The following CTDP1 variants were observed in gnomAD, a reference collection of about 807,000 sequenced individuals.
The protein encoded by CTDP1 is CTD phosphatase 1.
In CTDP1, 47 loss-of-function variants were observed where a neutral mutation model predicts 91.8. The ratio of observed to expected loss-of-function variants is 0.51; its 90% CI spans 0.41 to 0.65. CTDP1 has a LOEUF of 0.65. Among genes scored for constraint, CTDP1 ranks in the 30% least tolerant of loss-of-function variants. CTDP1 has a pLI of 0.00. For synonymous variants in CTDP1, 656 were observed against 598.5 expected (o/e 1.10, Z -1.40); for missense variants, 1,272 against 1,373.7 (o/e 0.93, Z 1.17).
chr18:79,688,247 C>G (rs1172280164), intron 1 of CTDP1, among the ~76,000 whole-genome samples: 1 of 152,196 alleles, frequency 6.6e-6, no homozygotes, highest in Non-Finnish European at 1.5e-5. Flanking sequence ...AAAACAACAA[C>G]ACTTGTTCCT....
At position 79,688,238 on chromosome 18, in the gene CTDP1, AAAC is replaced by A. The variant is rs547222486; in HGVS notation, c.315-6979_315-6977del. Among the ~76,000 whole-genome samples, 299 of 152,364 alleles carry A rather than the reference AAAC, an allele frequency of 2.0e-3. 2 individuals are homozygous for A. Among genetic ancestry groups the A allele is most frequent in the African/African-American group, 6.0e-3 (249 of 41,588 alleles). ...CACCCCTGTGGCTGCACAGGAGACAAAACAACAACACTTGTTCCTTTGAAGCTG... is the reference window on the plus strand; with the variant it reads ...CACCCCTGTGGCTGCACAGGAGACAAAACAACACTTGTTCCTTTGAAGCTG... On this transcript the variant is annotated intron_variant, in intron 1 of 12. Coordinates refer to ENST00000613122, the MANE Select transcript of CTDP1 (RefSeq NM_004715.5).
At chr18:79,704,590 C>T (rs1012543091) in intron 4 of CTDP1, among the ~76,000 whole-genome samples, 177 bp from the exon 5 acceptor site, 8 of 151,292 alleles carry the variant, frequency 5.3e-5, no homozygotes, top group Non-Finnish European at 7.4e-5. Flanking sequence ...GTCTTCAGGA[C>T]GCCTGTCTCA....
intron 12 of CTDP1, among the ~76,000 whole-genome samples, chr18:79,750,561 T>A (rs1345504529): frequency 2.0e-5 from 3 of 150,870 alleles, no homozygotes; most frequent in African/African-American, 7.3e-5. Flanking sequence ...TGGCGTGATC[T>A]CAGCTCACTG....
intron 8 of CTDP1, 100 bp from the exon 9 acceptor site, chr18:79,717,435 G>T (rs949668335): frequency 5.9e-6 from 9 of 1,537,794 alleles, no homozygotes; most frequent in East Asian, 2.3e-5. Context: ...GAGCCCTGGT[G>T]GGGTACAGCC....
chr18:79,742,613 C>G (rs1430770598), intron 12 of CTDP1, among the ~76,000 whole-genome samples: 2 of 152,234 alleles, frequency 1.3e-5, no homozygotes, highest in African/African-American at 4.8e-5. Flanking sequence ...CGTGTTGCTT[C>G]TCCTTTATTC....
In CTDP1 at chr18:79,715,298, A is replaced by G. The variant is rs754882827; in HGVS notation, c.1838A>G (p.Asn613Ser). ...DYYAKYDRYL[N>S]KEIEEAPDIR... ...TATGCCAAGTATGACCGCTACCTCA[A>G]CAAGGAGATCGAGGAGGCGCCGGAC... The change falls in exon 8 of 13, where the codon AAC becomes AGC. Residue 613 changes from asparagine (N) to serine (S), a missense_variant. By Grantham distance (46) the Asn-to-Ser change is conservative. Coordinates refer to ENST00000613122, the MANE Select transcript of CTDP1 (RefSeq NM_004715.5). 3 of 1,610,416 alleles carry G rather than the reference A, an allele frequency of 1.9e-6. No individual in the cohort carries two copies. Among genetic ancestry groups the G allele is most frequent in the South Asian group, 2.2e-5 (2 of 90,340 alleles).
chr18:79,751,960 G>A (rs913943661), intron 12 of CTDP1, among the ~76,000 whole-genome samples: 1 of 152,228 alleles, frequency 6.6e-6, no homozygotes, highest in Non-Finnish European at 1.5e-5. Flanking sequence ...CCTAATCAGG[G>A]TAAAATCAAA....
chr18:79,681,968 C>T (rs942971171), intron 1 of CTDP1, among the ~76,000 whole-genome samples: 5 of 152,102 alleles, frequency 3.3e-5, no homozygotes, highest in Non-Finnish European at 7.4e-5. Flanking sequence ...TCAGCATTTC[C>T]GGAGGTGTTC....
intron 4 of CTDP1, chr18:79,703,167 A>C (rs2085895314): frequency 6.6e-6 from 1 of 152,248 alleles, no homozygotes; most frequent in African/African-American, 2.4e-5. Flanking sequence ...TTGACAGAGT[A>C]GCTTCTTCAT....
chr18:79,756,199 CT>C (rs941594229), downstream of CTDP1: 1 of 152,434 alleles, frequency 6.6e-6, no homozygotes, highest in African/African-American at 2.4e-5. Context: ...TAAAATGGGA[CT>C]TTTCTCCCGC....
Position 79,680,238 on chromosome 18 carries a change from G to A in CTDP1, c.291G>A (p.Gln97=). ...RAGVVRELCA[Q]PGQVVAPGAV... ...GCGTGGTGCGGGAGCTGTGCGCGCA[G>A]CCGGGCCAGGTGGTCGCCCCAGGGT... Residue 97 remains glutamine (Q), a synonymous_variant, in exon 1 of 13, where the codon CAG becomes CAA. Transcript: ENST00000613122. The A allele has an allele frequency of 7.6e-7, 1 of 1,312,838 alleles. No homozygotes were observed. The allele number at this position is 1,312,838 out of a possible 1,614,324, so 81.3% of individuals were successfully genotyped here.
At chr18:79,739,785 G>A (rs1416730971) in intron 12 of CTDP1, among the ~76,000 whole-genome samples, 1 of 150,952 alleles carries the variant, frequency 6.6e-6, no homozygotes, top group Non-Finnish European at 1.5e-5. Context: ...CAGGACGGGT[G>A]GGACTCTCAT....
chr18:79,734,633 C>CGCCT (rs1697564408), intron 11 of CTDP1, among the ~76,000 whole-genome samples: 1 of 152,138 alleles, frequency 6.6e-6, no homozygotes, highest in Non-Finnish European at 1.5e-5. Context: ...CTGGCCGGCC[C>CGCCT]GCCTGCCCTT....
At chr18:79,723,489 C>T (rs562667305) in intron 10 of CTDP1, among the ~76,000 whole-genome samples, 30 of 152,156 alleles carry the variant, frequency 2.0e-4, no homozygotes, top group Non-Finnish European at 2.8e-4. Context: ...GAACGTTGTA[C>T]GTTTTTTCTA....
intron 4 of CTDP1, among the ~76,000 whole-genome samples, chr18:79,700,827 ACTCT>A (rs916867489): frequency 6.6e-6 from 1 of 152,082 alleles, no homozygotes; most frequent in Non-Finnish European, 1.5e-5. Flanking sequence ...GGACAGGCTG[ACTCT>A]CTCGTTGGAG....
At chr18:79,726,806 C>CACCATTGTTGGTGGACG (rs1568205928) in intron 10 of CTDP1, among the ~76,000 whole-genome samples, 21 of 108,832 alleles carry the variant, frequency 1.9e-4, no homozygotes, top group African/African-American at 7.9e-4. Flanking sequence ...AAGGGGGTGA[C>CACCATTGTTGGTGGACG]GCTGTTGCTG....
At chr18:79,709,313 A>C (rs2086033318) in intron 5 of CTDP1, among the ~76,000 whole-genome samples, 1 of 152,214 alleles carries the variant, frequency 6.6e-6, no homozygotes, top group African/African-American at 2.4e-5. Flanking sequence ...TGAGCACTTT[A>C]CTGTAAATTG....
intron 1 of CTDP1, among the ~76,000 whole-genome samples, chr18:79,686,916 C>T (rs987032868): frequency 1.4e-5 from 2 of 148,006 alleles, no homozygotes; most frequent in East Asian, 2.0e-4. Context: ...GGGCCTGCAC[C>T]GCAGCAGTTG....
At position 79,680,034 on chromosome 18, in the gene CTDP1, G is replaced by A. The variant is rs1334381458; in HGVS notation, c.87G>A (p.Pro29=). The change falls in exon 1 of 13, where the codon CCG becomes CCA. Residue 29 remains proline, a synonymous_variant. Transcript: ENST00000613122. ...VAEVRCPGPA[P]LRLLEWRVAA... ...AGGTGCGCTGCCCGGGGCCCGCGCC[G>A]CTGCGCCTGCTGGAGTGGAGGGTGG... 1 of 1,258,142 alleles carries A rather than the reference G, an allele frequency of 7.9e-7. No homozygotes were observed. Among genetic ancestry groups the A allele is most frequent in the Non-Finnish European group, 9.9e-7 (1 of 1,005,862 alleles). 77.9% of individuals were successfully genotyped at this position (1,258,142 alleles called of 1,614,324 possible). A position where few individuals can be genotyped will look rare whatever the true frequency, so the allele number is the denominator to read the frequency against.
Sources: allele counts gnomAD v4.1 joint callset (sites outside exome capture counted in the v4.1 genomes callset), GRCh38; gene constraint gnomAD v4.1.1; transcripts MANE v1.5; gene names NCBI Gene and HGNC (gene_info 2026-07-23, HGNC 2026-07-21).